The following PPP4R3A variants were observed in gnomAD, a reference collection of about 807,000 sequenced individuals.
The protein encoded by PPP4R3A is serine/threonine-protein phosphatase 4 regulatory subunit 3A.
A neutral mutation model predicts 91.7 loss-of-function variants in PPP4R3A; 15 were observed. The ratio of observed to expected loss-of-function variants is 0.16; its 90% CI spans 0.11 to 0.25. PPP4R3A has a LOEUF of 0.25. Among genes scored for constraint, PPP4R3A ranks in the 10% least tolerant of loss-of-function variants. PPP4R3A has a pLI of 1.00. For synonymous variants in PPP4R3A, 377 were observed against 348.7 expected, an observed-to-expected ratio of 1.08 and a Z score of -0.91; for missense variants, 623 against 998.4, an observed-to-expected ratio of 0.62 and a Z score of 5.07.
Position 91,510,091 on chromosome 14 carries a change from G to T in PPP4R3A, c.-444C>A. 3.6e-6 allele frequency: 1 copy of T among 277,102 alleles called. No individual in the cohort carries two copies. The highest frequency in any genetic ancestry group is 5.5e-6 in the Non-Finnish European group (1 of 181,414). The allele number at this position is 277,102 out of a possible 1,614,324, so 17.2% of individuals were successfully genotyped here. A position where few individuals can be genotyped will look rare whatever the true frequency, so the allele number is the denominator to read the frequency against. ...TCCTTATACCTGGCCCTGCCACCGC[G>T]GCCAGTGGCTCCCTTCCGCTCCCCC... On this transcript the variant is annotated 5_prime_UTR_variant, in exon 1 of 15. Transcript: ENST00000554943.
chr14:91,475,286 C>G (rs970426847), intron 7 of PPP4R3A: 2 of 153,882 alleles, frequency 1.3e-5, no homozygotes, highest in African/African-American at 4.8e-5. Context: ...CTTCACATTA[C>G]CAGGATATAT....
intron 14 of PPP4R3A, among the ~76,000 whole-genome samples, chr14:91,460,637 CTT>C (rs573677740): frequency 4.3e-4 from 48 of 111,270 alleles, no homozygotes; most frequent in African/African-American, 1.4e-3. Flanking sequence ...GATTTTGTTC[CTT>C]TTTTTTTTTT....
At chr14:91,495,985 A>T (rs550935540) in intron 1 of PPP4R3A, among the ~76,000 whole-genome samples, 1 of 152,220 alleles carries the variant, frequency 6.6e-6, no homozygotes, top group African/African-American at 2.4e-5. Flanking sequence ...ATATTCATAC[A>T]ATGGATACCA....
Position 91,458,751 on chromosome 14 carries a change from T to C in PPP4R3A, c.*8A>G, listed in dbSNP as rs1595043125. 1 of 1,614,132 alleles carries C rather than the reference T, an allele frequency of 6.2e-7. No individual in the cohort carries two copies. The highest frequency in any genetic ancestry group is 2.2e-5 in the East Asian group (1 of 44,880). On this transcript the variant is annotated 3_prime_UTR_variant, in exon 15 of 15. Coordinates refer to ENST00000554943, the MANE Select transcript of PPP4R3A (RefSeq NM_001366432.2). The stretch of plus-strand genomic sequence containing the variant: ...TCAACAGGTACTGATCCTAGGCCGT[T>C]GCCATTATTATGAATCAAATTTTGC...
chr14:91,483,138 G>A (rs74084699), intron 3 of PPP4R3A, among the ~76,000 whole-genome samples: 1 of 152,146 alleles, frequency 6.6e-6, no homozygotes, highest in African/African-American at 2.4e-5. Flanking sequence ...AAAAGGTCAA[G>A]GATAAACTTT....
At chr14:91,486,133 T>C (rs189325919) in intron 2 of PPP4R3A, among the ~76,000 whole-genome samples, 1 of 152,298 alleles carries the variant, frequency 6.6e-6, no homozygotes, top group East Asian at 1.9e-4. Flanking sequence ...ACTCCTTCTC[T>C]CTTCCCTCTA....
intron 2 of PPP4R3A, among the ~76,000 whole-genome samples, chr14:91,488,014 A>G (rs1231662618): frequency 6.6e-6 from 1 of 152,192 alleles, no homozygotes; most frequent in Non-Finnish European, 1.5e-5. Context: ...TGTAACACAA[A>G]TGGATTCCAT....
Position 91,461,528 on chromosome 14 carries a change from C to T in PPP4R3A, c.2244G>A (p.Leu748=). ...GRQSPSFKLS[L]SSGTKTNLTS... is the part of the protein sequence containing the mutation. ...TGAGGTTAGTCTTCGTTCCACTGGA[C>T]AGGGAAAGCTTGAAACTTGGGCTCT... Residue 748 remains leucine, a synonymous_variant, in exon 14 of 15, where the codon CTG becomes CTA. Transcript: ENST00000554943. The T allele has an allele frequency of 6.2e-7, 1 of 1,614,064 alleles. No individual in the cohort carries two copies. The highest frequency in any genetic ancestry group is 2.2e-5 in the East Asian group (1 of 44,892).
chr14:91,505,545 T>C (rs1382687156), intron 1 of PPP4R3A, among the ~76,000 whole-genome samples: 1 of 152,056 alleles, frequency 6.6e-6, no homozygotes, highest in Non-Finnish European at 1.5e-5. Context: ...ATAGCCTATT[T>C]CTAAGGTGGA....
intron 1 of PPP4R3A, among the ~76,000 whole-genome samples, chr14:91,505,098 C>G (rs191018918): frequency 2.0e-5 from 3 of 152,246 alleles, no homozygotes; most frequent in Non-Finnish European, 4.4e-5. Flanking sequence ...CCAACTCATA[C>G]CATCTTAATA....
chr14:91,479,077 G>C (rs1489941671), intron 4 of PPP4R3A, among the ~76,000 whole-genome samples: 1 of 152,030 alleles, frequency 6.6e-6, no homozygotes, highest in African/African-American at 2.4e-5. Flanking sequence ...CTGCCTCCTG[G>C]ATTCAAGCGA....
chr14:91,471,941 T>C (rs1473127692), intron 9 of PPP4R3A, among the ~76,000 whole-genome samples: 1 of 151,794 alleles, frequency 6.6e-6, no homozygotes, highest in African/African-American at 2.4e-5. Flanking sequence ...GGCAGGTGCC[T>C]GTAATCCCAG....
chr14:91,464,951 A>G (rs931312923), intron 11 of PPP4R3A, among the ~76,000 whole-genome samples: 2 of 152,192 alleles, frequency 1.3e-5, no homozygotes, highest in Non-Finnish European at 2.9e-5. Context: ...GATAGGAGGT[A>G]GAGCTCAGGC....
intron 3 of PPP4R3A, among the ~76,000 whole-genome samples, chr14:91,484,124 T>C (rs1009455682): frequency 1.3e-5 from 2 of 152,150 alleles, no homozygotes; most frequent in Admixed American, 6.6e-5. Context: ...AATATAATTG[T>C]TGGATGGAAA....
Position 91,509,724 on chromosome 14 carries a change from G to C in PPP4R3A, c.-77C>G. The C allele has an allele frequency of 3.5e-6, 5 of 1,428,390 alleles. No homozygotes were observed. Among genetic ancestry groups the C allele is most frequent in the South Asian group, 1.4e-5 (1 of 69,858 alleles). The allele number at this position is 1,428,390 out of a possible 1,614,324, so 88.5% of individuals were successfully genotyped here. A position where few individuals can be genotyped will look rare whatever the true frequency, so the allele number is the denominator to read the frequency against. The stretch of plus-strand genomic sequence containing the variant: ...GGGGCCCTGGAGAGGCGAGGGGCGA[G>C]GCGTGAGGGCGCCCGCGAGCGGAGG... On this transcript the variant is annotated 5_prime_UTR_variant, in exon 1 of 15. Coordinates refer to ENST00000554943, the MANE Select transcript of PPP4R3A (RefSeq NM_001366432.2).
intron 1 of PPP4R3A, among the ~76,000 whole-genome samples, chr14:91,500,478 G>A (rs1890878889): frequency 6.6e-6 from 1 of 152,090 alleles, no homozygotes; most frequent in Non-Finnish European, 1.5e-5. Context: ...GGGATTACAA[G>A]CTGAGCCACC....
intron 11 of PPP4R3A, among the ~76,000 whole-genome samples, chr14:91,463,965 A>ATG: frequency 6.6e-6 from 1 of 151,998 alleles, no homozygotes; most frequent in South Asian, 2.1e-4. Context: ...CTTTATTTCC[A>ATG]TGTGTACTCA....
At position 91,470,876 on chromosome 14, in the gene PPP4R3A, G is replaced by C. The variant is rs1399292270; in HGVS notation, c.1621C>G (p.Leu541Val). ...IINKDILRRV[L>V]VLMASKHAFL... ...GCATGCTTCGAGGCCATAAGAACTAGCACTCTCCGGAGGATATCCTTATTA... is the reference window on the plus strand; with the variant it reads ...GCATGCTTCGAGGCCATAAGAACTACCACTCTCCGGAGGATATCCTTATTA... Residue 541 changes from leucine to valine, a missense_variant, in exon 10 of 15, where the codon CTA becomes GTA. Coordinates refer to ENST00000554943, the MANE Select transcript of PPP4R3A (RefSeq NM_001366432.2). 6.2e-7 allele frequency: 1 copy of C among 1,611,398 alleles called. No individual in the cohort carries two copies. The highest frequency in any genetic ancestry group is 1.1e-5 in the South Asian group (1 of 90,020).
At chr14:91,461,965 CA>C in intron 13 of PPP4R3A, 83 bp downstream of exon 13, 1 of 1,413,140 alleles carries the variant, frequency 7.1e-7, no homozygotes. Context: ...ACCTTCCAAG[CA>C]AATAATCATT....
Sources: gnomAD v4.1 joint callset for allele counts (sites outside exome capture counted in the v4.1 genomes callset) on GRCh38, gnomAD v4.1.1 for gene constraint, MANE v1.5 for transcripts, NCBI Gene and HGNC (gene_info 2026-07-23, HGNC 2026-07-21) for gene names.